Variants in MECR observed in about 807,000 individuals in gnomAD.
MECR encodes enoyl-[acyl-carrier-protein] reductase, mitochondrial.
MECR carries 37 observed loss-of-function variants against 49.1 expected under a neutral mutation model. That is an observed-to-expected ratio of 0.75 (90% confidence interval 0.58 to 0.99). The LOEUF (loss-of-function observed/expected upper bound fraction) is 0.99. Ranked by LOEUF, MECR falls within the 50% of genes least tolerant of loss-of-function variation. The pLI is 0.00. For missense variants in MECR, 470 were observed against 479.6 expected (o/e 0.98, Z 0.19); for synonymous variants, 198 against 191.1 (o/e 1.04, Z -0.30).
chr1:29,175,035 T>C, the MECR span, among the ~76,000 whole-genome samples: 1 of 150,038 alleles, frequency 6.7e-6, no homozygotes, highest in African/African-American at 2.4e-5. Context: ...TGCGTGCACA[T>C]GCCCATACCT....
In MECR at chr1:29,193,876, C is replaced by T. The variant is rs912955629; in HGVS notation, c.*146G>A. Reference sequence around the variant, plus strand: ...CCTTAAGGCTGGCCCTGGGGAAAACCGTGGCTGGCTTCACCATCCTCCTAA... The same window carrying T: ...CCTTAAGGCTGGCCCTGGGGAAAACTGTGGCTGGCTTCACCATCCTCCTAA... On this transcript the variant is annotated 3_prime_UTR_variant, in exon 10 of 10. Transcript: ENST00000263702. 15 of 954,558 alleles carry T rather than the reference C, an allele frequency of 1.6e-5. No homozygotes were observed. In the East Asian group the frequency reaches 1.7e-4, roughly 11 times the overall value. 59.1% of individuals were successfully genotyped at this position (954,558 alleles called of 1,614,324 possible).
At chr1:29,203,256 A>C in intron 4 of MECR, 23 bp from the exon 5 acceptor site, 1 of 1,541,068 alleles carries the variant, frequency 6.5e-7, no homozygotes, top group African/African-American at 1.4e-5. Flanking sequence ...GAAGAGAACC[A>C]AATCAAGCCC....
chr1:29,208,904 G>A (rs1252810455), intron 3 of MECR, among the ~76,000 whole-genome samples: 1 of 152,230 alleles, frequency 6.6e-6, no homozygotes, highest in Non-Finnish European at 1.5e-5. Context: ...GAGGTGACAG[G>A]CTAAGAGTGA....
intron 4 of MECR, among the ~76,000 whole-genome samples, chr1:29,204,445 G>T (rs1558441156): frequency 6.6e-6 from 1 of 151,976 alleles, no homozygotes; most frequent in Non-Finnish European, 1.5e-5. Context: ...AATCTAGTTG[G>T]TTGCAAGCAC....
intron 3 of MECR, among the ~76,000 whole-genome samples, chr1:29,208,928 C>CGGTA (rs1677278631): frequency 6.6e-6 from 1 of 152,208 alleles, no homozygotes; most frequent in Non-Finnish European, 1.5e-5. Flanking sequence ...GATAGAGGTG[C>CGGTA]TACCGTCTCA....
chr1:29,192,047 G>A (rs960510401), downstream of MECR, among the ~76,000 whole-genome samples: 3 of 151,892 alleles, frequency 2.0e-5, no homozygotes, highest in South Asian at 2.1e-4. Context: ...AGCCAAGATC[G>A]CCCACTGCAC....
the MECR span, among the ~76,000 whole-genome samples, chr1:29,176,854 C>T: frequency 6.6e-6 from 1 of 152,248 alleles, no homozygotes. Flanking sequence ...CATGATTTCA[C>T]TGTTCCATGA....
chr1:29,229,989 G>A (rs2151927978), intron 1 of MECR, among the ~76,000 whole-genome samples: 1 of 152,320 alleles, frequency 6.6e-6, no homozygotes, highest in Non-Finnish European at 1.5e-5. Flanking sequence ...ACTTCTCTAA[G>A]ACCAAACAGC....
chr1:29,174,675 GTT>G, the MECR span, among the ~76,000 whole-genome samples: 12 of 130,682 alleles, frequency 9.2e-5, no homozygotes, highest in Non-Finnish European at 1.8e-4. Flanking sequence ...CAGGAGATAG[GTT>G]TTTTTTTTTT....
At chr1:29,214,061 C>CTT (rs1200557418) in intron 3 of MECR, among the ~76,000 whole-genome samples, 30 of 138,520 alleles carry the variant, frequency 2.2e-4, no homozygotes, top group African/African-American at 3.7e-4. Context: ...AATCAACTTT[C>CTT]TTTTTTTTTT....
At chr1:29,175,269 C>T in the MECR span, among the ~76,000 whole-genome samples, 4 of 151,682 alleles carry the variant, frequency 2.6e-5, no homozygotes, top group African/African-American at 7.3e-5. Context: ...AAAAATTAGC[C>T]GGGGGTGGTG....
chr1:29,210,071 C>T (rs1259598371), intron 3 of MECR, among the ~76,000 whole-genome samples: 2 of 150,290 alleles, frequency 1.3e-5, no homozygotes, highest in Non-Finnish European at 3.0e-5. Flanking sequence ...AGTGCAGTGG[C>T]ACGATCTCAG....
chr1:29,205,965 T>C (rs1468542256), intron 4 of MECR, among the ~76,000 whole-genome samples: 1 of 152,228 alleles, frequency 6.6e-6, no homozygotes, highest in Admixed American at 6.5e-5. Context: ...TCTTAGGCTC[T>C]GCTTTCAGAG....
At chr1:29,194,247 C>T (rs1673424151) in intron 9 of MECR, 68 bp from the exon 10 acceptor site, 1 of 1,508,120 alleles carries the variant, frequency 6.6e-7, no homozygotes, top group South Asian at 1.3e-5. Context: ...TGGCACGGGG[C>T]TGCCCTATGG....
chr1:29,228,883 G>GTT, intron 1 of MECR: 1 of 152,284 alleles, frequency 6.6e-6, no homozygotes, highest in Non-Finnish European at 1.5e-5. Flanking sequence ...AGGAGCACCT[G>GTT]TTTTGTGGCA....
chr1:29,205,849 C>T (rs1241802443), intron 4 of MECR, among the ~76,000 whole-genome samples: 1 of 152,052 alleles, frequency 6.6e-6, no homozygotes, highest in Non-Finnish European at 1.5e-5. Context: ...CAGTAGTTGC[C>T]CGCAGCAGTA....
the MECR span, chr1:29,173,180 C>G: frequency 7.9e-6 from 1 of 126,774 alleles, no homozygotes; most frequent in Non-Finnish European, 1.6e-5. Flanking sequence ...CTCTGTCATC[C>G]AGGCTGGAGT....
chr1:29,169,831 C>G, the MECR span: 2 of 152,112 alleles, frequency 1.3e-5, no homozygotes, highest in Non-Finnish European at 2.9e-5. Flanking sequence ...TCCTAAACAC[C>G]AAACAGTAAA....
chr1:29,190,866 C>CG (rs1245076413), downstream of MECR, among the ~76,000 whole-genome samples: 2 of 151,578 alleles, frequency 1.3e-5, no homozygotes, highest in Non-Finnish European at 2.9e-5. Flanking sequence ...ACATCACTTG[C>CG]GGGGGCAGAT....
Sources: gnomAD v4.1 joint callset for allele counts (sites outside exome capture counted in the v4.1 genomes callset) on GRCh38, gnomAD v4.1.1 for gene constraint, MANE v1.5 for transcripts, NCBI Gene and HGNC (gene_info 2026-07-23, HGNC 2026-07-21) for gene names.